Variants in ASCC3 observed in about 807,000 individuals in gnomAD.
ASCC3 encodes the protein activating signal cointegrator 1 complex subunit 3.
A neutral mutation model predicts 256.3 loss-of-function variants in ASCC3; 158 were observed. The observed-to-expected ratio is 0.62, with a 90% CI of 0.54 to 0.70. The LOEUF (loss-of-function observed/expected upper bound fraction) is 0.70, where lower values mean the gene tolerates loss of function less well. ASCC3 is among the 30% of genes least tolerant of loss of function. The pLI is 0.00. For missense variants in ASCC3, 2,259 were observed against 2,626.0 expected, an observed-to-expected ratio of 0.86 and a Z score of 3.05; for synonymous variants, 948 against 883.4, an observed-to-expected ratio of 1.07 and a Z score of -1.30.
intron 3 of ASCC3, chr6:100,859,200 C>T: frequency 1.3e-6 from 1 of 779,948 alleles, no homozygotes; most frequent in Non-Finnish European, 2.4e-6. Context: ...GGACAATTCA[C>T]TTCTAGGAAA....
intron 30 of ASCC3, among the ~76,000 whole-genome samples, chr6:100,618,135 T>G (rs1299906845): frequency 6.6e-6 from 1 of 152,228 alleles, no homozygotes; most frequent in Non-Finnish European, 1.5e-5. Flanking sequence ...ATGGATATTT[T>G]GGGGAAGTAG....
chr6:100,846,506 A>T (rs949489394), intron 4 of ASCC3, among the ~76,000 whole-genome samples: 1 of 152,172 alleles, frequency 6.6e-6, no homozygotes, highest in Non-Finnish European at 1.5e-5. Context: ...AAATCATTGA[A>T]CCAGACTATG....
chr6:100,660,142 T>A (rs556542156), intron 16 of ASCC3, among the ~76,000 whole-genome samples: 1 of 151,732 alleles, frequency 6.6e-6, no homozygotes, highest in Admixed American at 6.6e-5. Context: ...GGAAATGTAT[T>A]CACCTTTAAC....
At chr6:100,739,258 T>A (rs1780318049) in intron 10 of ASCC3, among the ~76,000 whole-genome samples, 1 of 152,212 alleles carries the variant, frequency 6.6e-6, no homozygotes, top group Non-Finnish European at 1.5e-5. Context: ...CACTTGCATA[T>A]GTTGAACCAG....
At chr6:100,568,791 T>TATTATTA (rs1468336075) in intron 36 of ASCC3, among the ~76,000 whole-genome samples, 1 of 146,756 alleles carries the variant, frequency 6.8e-6, no homozygotes, top group Non-Finnish European at 1.5e-5. Context: ...TTATTATTAT[T>TATTATTA]TTTTGAGACA....
At chr6:100,825,734 T>C (rs1250711087) in intron 4 of ASCC3, among the ~76,000 whole-genome samples, 1 of 152,176 alleles carries the variant, frequency 6.6e-6, no homozygotes, top group Non-Finnish European at 1.5e-5. Flanking sequence ...CACTTTCAGG[T>C]ACACCAATCA....
intron 30 of ASCC3, among the ~76,000 whole-genome samples, chr6:100,610,685 CT>C (rs1010052604): frequency 5.3e-5 from 8 of 152,114 alleles, no homozygotes; most frequent in African/African-American, 1.9e-4. Flanking sequence ...GTATTATTTA[CT>C]TTATGAACTG....
intron 5 of ASCC3, 95 bp from the exon 6 acceptor site, chr6:100,800,599 A>C: frequency 1.1e-6 from 1 of 892,580 alleles, no homozygotes; most frequent in Non-Finnish European, 1.7e-6. Flanking sequence ...CACAACATAT[A>C]ATGCTCTTAC....
chr6:100,699,307 G>A (rs2114996078), intron 13 of ASCC3, among the ~76,000 whole-genome samples: 1 of 152,254 alleles, frequency 6.6e-6, no homozygotes, highest in African/African-American at 2.4e-5. Flanking sequence ...AGTGTCACAA[G>A]ATCTGACAGT....
intron 36 of ASCC3, among the ~76,000 whole-genome samples, chr6:100,584,510 A>G (rs1413170606): frequency 6.6e-6 from 1 of 152,208 alleles, no homozygotes; most frequent in African/African-American, 2.4e-5. Flanking sequence ...TCCTGAACAC[A>G]GCACGCTGAT....
chr6:100,742,259 A>T (rs1230127267), intron 10 of ASCC3, among the ~76,000 whole-genome samples: 2 of 152,106 alleles, frequency 1.3e-5, no homozygotes, highest in Non-Finnish European at 2.9e-5. Context: ...GCTCCATCCC[A>T]GGGGGTACTG....
chr6:100,709,757 T>G (rs1025983265), intron 13 of ASCC3, among the ~76,000 whole-genome samples: 1 of 152,156 alleles, frequency 6.6e-6, no homozygotes, highest in Non-Finnish European at 1.5e-5. Context: ...TAATTAATAT[T>G]AAGTTTGAAG....
chr6:100,708,781 A>T (rs1340104677), intron 13 of ASCC3, among the ~76,000 whole-genome samples: 2 of 152,166 alleles, frequency 1.3e-5, no homozygotes, highest in Non-Finnish European at 2.9e-5. Context: ...TATTTAAATC[A>T]CACTTAAAAA....
intron 1 of ASCC3, among the ~76,000 whole-genome samples, chr6:100,872,991 C>T (rs936224634): frequency 6.6e-6 from 1 of 152,042 alleles, no homozygotes; most frequent in African/African-American, 2.4e-5. Flanking sequence ...TAACACCCCC[C>T]CCAAAAAATC....
At chr6:100,621,199 G>A (rs923894794) in intron 30 of ASCC3, among the ~76,000 whole-genome samples, 2 of 152,076 alleles carry the variant, frequency 1.3e-5, no homozygotes, top group African/African-American at 4.8e-5. Context: ...GGATGGAGCT[G>A]GAAGCTGTTA....
chr6:100,703,370 A>T (rs1418716749), intron 13 of ASCC3, among the ~76,000 whole-genome samples: 6 of 152,010 alleles, frequency 3.9e-5, no homozygotes. Flanking sequence ...GAGAGAAGAG[A>T]CAAATACTTA....
chr6:100,865,574 A>C lies in ASCC3; in HGVS notation c.91-1360T>G, dbSNP rs900755481. 2.6e-5 allele frequency among the ~76,000 whole-genome samples: 4 copies of C among 152,248 alleles called. No individual in the cohort carries two copies. In the East Asian group the frequency reaches 7.7e-4, roughly 29 times the overall value. ...TAACCAAATTTTGTATCATTAGAGA[A>C]AAAAAAATCTATCACAAACCTGTTA... is the stretch of plus-strand genomic sequence containing the variant. On this transcript the variant is annotated intron_variant, in intron 2 of 41. Coordinates refer to ENST00000369162, the MANE Select transcript of ASCC3 (RefSeq NM_006828.4).
chr6:100,608,146 C>G (rs144462584), intron 30 of ASCC3, among the ~76,000 whole-genome samples: 3,948 of 39,548 alleles, frequency 0.1, 603 homozygotes, highest in Middle Eastern at 0.24. Flanking sequence ...GTATATATAT[C>G]TATATATACA....
chr6:100,765,842 T>A (rs1781630701), intron 10 of ASCC3, among the ~76,000 whole-genome samples: 1 of 152,238 alleles, frequency 6.6e-6, no homozygotes, highest in Non-Finnish European at 1.5e-5. Context: ...ACATTTTAAA[T>A]CAACGTCTGC....
Sources: gnomAD v4.1 joint callset for allele counts (sites outside exome capture counted in the v4.1 genomes callset) on GRCh38, gnomAD v4.1.1 for gene constraint, MANE v1.5 for transcripts, NCBI Gene and HGNC (gene_info 2026-07-23, HGNC 2026-07-21) for gene names.